Variants in TAFA2 observed in about 807,000 individuals in gnomAD.
TAFA2 encodes chemokine-like protein TAFA-2.
In TAFA2, 7 loss-of-function variants were observed where a neutral mutation model predicts 18.8. The observed-to-expected ratio is 0.37, with a 90% CI of 0.21 to 0.70. The LOEUF (loss-of-function observed/expected upper bound fraction) is 0.70, where lower values mean the gene tolerates loss of function less well. TAFA2 is among the 30% of genes least tolerant of loss of function. The pLI is 0.53. For synonymous variants in TAFA2, 60 were observed against 54.2 expected (o/e 1.11, Z -0.47); for missense variants, 122 against 158.1 (o/e 0.77, Z 1.23).
chr12:61,991,619 C>G (rs140395662), intron 1 of TAFA2, among the ~76,000 whole-genome samples: 1 of 152,312 alleles, frequency 6.6e-6, no homozygotes, highest in South Asian at 2.1e-4. Flanking sequence ...AGCGTAAATA[C>G]ACACTAAATC....
At chr12:62,103,674 G>A (rs919183522) in intron 1 of TAFA2, among the ~76,000 whole-genome samples, 4 of 151,946 alleles carry the variant, frequency 2.6e-5, no homozygotes, top group Admixed American at 2.6e-4. Flanking sequence ...CCGGGAGGCG[G>A]AGGTTGCGGT....
chr12:62,188,994 T>C (rs565593130), intron 1 of TAFA2, among the ~76,000 whole-genome samples: 3 of 152,314 alleles, frequency 2.0e-5, no homozygotes, highest in Admixed American at 6.5e-5. Context: ...ATTTTTCTAA[T>C]GCAATATCAC....
At chr12:62,050,111 A>T (rs1420520911) in intron 1 of TAFA2, among the ~76,000 whole-genome samples, 1 of 152,160 alleles carries the variant, frequency 6.6e-6, no homozygotes, top group Non-Finnish European at 1.5e-5. Flanking sequence ...TACCTGCAAG[A>T]TAGCCTACTC....
chr12:61,877,235 A>G (rs539132694), intron 1 of TAFA2, among the ~76,000 whole-genome samples: 1 of 152,164 alleles, frequency 6.6e-6, no homozygotes, highest in East Asian at 1.9e-4. Flanking sequence ...TTAGAATCTC[A>G]CTTTTTTACT....
intron 2 of TAFA2, among the ~76,000 whole-genome samples, chr12:61,791,908 T>G (rs959415226): frequency 2.0e-5 from 3 of 151,692 alleles, no homozygotes; most frequent in Non-Finnish European, 4.4e-5. Context: ...TGAAGAGATA[T>G]CTGCACCACA....
intron 2 of TAFA2, among the ~76,000 whole-genome samples, chr12:61,861,258 T>A (rs1198034136): frequency 2.4e-5 from 3 of 126,424 alleles, no homozygotes; most frequent in African/African-American, 3.8e-5. Flanking sequence ...GGCCTCGCCT[T>A]TTTTTTTTTT....
At chr12:61,985,091 T>C (rs868204948) in intron 1 of TAFA2, among the ~76,000 whole-genome samples, 4 of 152,278 alleles carry the variant, frequency 2.6e-5, no homozygotes, top group Non-Finnish European at 4.4e-5. Flanking sequence ...ATTTACTTTG[T>C]AGAAGCCACA....
chr12:62,197,419 T>G (rs2062653535), upstream of TAFA2, among the ~76,000 whole-genome samples: 1 of 152,252 alleles, frequency 6.6e-6, no homozygotes, highest in Non-Finnish European at 1.5e-5. Context: ...CACTTCAGGC[T>G]TTTTCTTTTT....
intron 1 of TAFA2, among the ~76,000 whole-genome samples, chr12:62,079,963 G>A (rs1160262790): frequency 2.6e-5 from 4 of 152,194 alleles, no homozygotes; most frequent in Non-Finnish European, 2.9e-5. Context: ...GGCACAAAGA[G>A]ACTGGTTTCT....
At chr12:62,164,209 G>A (rs1012160000) in intron 1 of TAFA2, among the ~76,000 whole-genome samples, 3 of 152,060 alleles carry the variant, frequency 2.0e-5, no homozygotes, top group Non-Finnish European at 4.4e-5. Context: ...ATTGATCTGC[G>A]ATTTGGTAAA....
At chr12:61,789,976 T>C (rs189207582) in intron 2 of TAFA2, among the ~76,000 whole-genome samples, 5 of 151,940 alleles carry the variant, frequency 3.3e-5, no homozygotes, top group Non-Finnish European at 1.5e-5. Context: ...AACAAGATAC[T>C]AGCAAACTGA....
intron 1 of TAFA2, among the ~76,000 whole-genome samples, chr12:62,081,774 C>T (rs544873913): frequency 1.3e-4 from 20 of 152,170 alleles, no homozygotes; most frequent in African/African-American, 4.1e-4. Context: ...CATGAGCCAC[C>T]GCGCCCAACC....
At chr12:62,010,860 C>T (rs1174378480) in intron 1 of TAFA2, among the ~76,000 whole-genome samples, 12 of 128,408 alleles carry the variant, frequency 9.3e-5, no homozygotes, top group Admixed American at 3.9e-4. Context: ...AGGTGGGGAG[C>T]GCCTCTGCCC....
At chr12:62,082,118 T>G (rs1205423357) in intron 1 of TAFA2, among the ~76,000 whole-genome samples, 1 of 152,172 alleles carries the variant, frequency 6.6e-6, no homozygotes, top group Non-Finnish European at 1.5e-5. Flanking sequence ...GCAAAGGACA[T>G]GATCTCATTC....
chr12:62,178,789 A>G (rs933229622), intron 1 of TAFA2, among the ~76,000 whole-genome samples: 4 of 152,222 alleles, frequency 2.6e-5, no homozygotes, highest in African/African-American at 9.6e-5. Context: ...GACAGTAAGT[A>G]AATCTGCCCT....
intron 1 of TAFA2, among the ~76,000 whole-genome samples, chr12:62,186,013 T>A (rs2062583487): frequency 6.6e-6 from 1 of 152,160 alleles, no homozygotes; most frequent in Non-Finnish European, 1.5e-5. Flanking sequence ...CCCAGGACAT[T>A]CTGGTTTGAA....
At chr12:61,932,253 G>A (rs543564087) in intron 1 of TAFA2, among the ~76,000 whole-genome samples, 97 of 152,118 alleles carry the variant, frequency 6.4e-4, no homozygotes, top group Non-Finnish European at 1.3e-3. Flanking sequence ...TGCCATTTAT[G>A]GCAAAAAGAT....
intron 2 of TAFA2, among the ~76,000 whole-genome samples, chr12:61,827,565 T>C (rs1415669402): frequency 3.9e-5 from 6 of 151,996 alleles, no homozygotes; most frequent in African/African-American, 1.4e-4. Context: ...GATGTGTATT[T>C]AACTGAATAA....
intron 1 of TAFA2, among the ~76,000 whole-genome samples, chr12:62,024,713 A>T (rs1881258594): frequency 6.6e-6 from 1 of 152,156 alleles, no homozygotes; most frequent in African/African-American, 2.4e-5. Context: ...TATACATCCA[A>T]CAAAGATCTA....
Sources: allele counts gnomAD v4.1 joint callset (sites outside exome capture counted in the v4.1 genomes callset), GRCh38; gene constraint gnomAD v4.1.1; transcripts MANE v1.5; gene names NCBI Gene and HGNC (gene_info 2026-07-23, HGNC 2026-07-21).